Variants in SBF2 observed in about 807,000 individuals in gnomAD.
The protein encoded by SBF2 is myotubularin-related protein 13.
SBF2 carries 112 observed loss-of-function variants against 225.2 expected under a neutral mutation model. The ratio of observed to expected loss-of-function variants is 0.50; its 90% confidence interval spans 0.43 to 0.58. SBF2 has a LOEUF of 0.58. Among genes scored for constraint, SBF2 ranks in the 20% least tolerant of loss-of-function variants. The pLI, the probability that SBF2 is intolerant of heterozygous loss-of-function variation, is 0.00. For missense variants in SBF2, 1,996 were observed against 2,206.2 expected (o/e 0.90, Z 1.91); for synonymous variants, 763 against 773.3 (o/e 0.99, Z 0.22).
intron 16 of SBF2, among the ~76,000 whole-genome samples, chr11:9,945,961 G>A (rs1160878796): frequency 1.3e-5 from 2 of 152,040 alleles, no homozygotes; most frequent in Non-Finnish European, 2.9e-5. Flanking sequence ...GTGGAGAAAA[G>A]GGAATGCTTA....
intron 16 of SBF2, among the ~76,000 whole-genome samples, chr11:9,932,984 A>T (rs1279192204): frequency 6.6e-6 from 1 of 150,850 alleles, no homozygotes; most frequent in African/African-American, 2.4e-5. Context: ...AAAAAAAAAA[A>T]AAACAGGTGT....
At chr11:10,112,609 C>A (rs1406604955) in intron 2 of SBF2, among the ~76,000 whole-genome samples, 1 of 152,176 alleles carries the variant, frequency 6.6e-6, no homozygotes, top group Non-Finnish European at 1.5e-5. Context: ...GACAATGCAA[C>A]CTTTAATAAG....
chr11:10,026,394 GT>G (rs1474217016), intron 6 of SBF2, among the ~76,000 whole-genome samples: 1 of 152,100 alleles, frequency 6.6e-6, no homozygotes, highest in Admixed American at 6.5e-5. Context: ...TCAATGGTTA[GT>G]AGGGACCACA....
At position 9,968,258 on chromosome 11, in the gene SBF2, T is replaced by A. The variant is rs112764038; in HGVS notation, c.1600+83A>T. ...CAGGAGTTTGTTCACTTTGTGAAAA[T>A]TCATCAAATTGCACACTTTTCCTTT... On this transcript the variant is annotated intron_variant, in intron 14 of 39. Coordinates refer to ENST00000256190, the MANE Select transcript of SBF2 (RefSeq NM_030962.4). The A allele has an allele frequency of 1.4e-4, 169 of 1,247,636 alleles. 1 individual carries two copies. The African/African-American group carries it at 2.1e-3, about 16-fold the overall frequency. 77.3% of individuals were successfully genotyped at this position (1,247,636 alleles called of 1,614,324 possible).
rs546910626 is a variant in SBF2, at chr11:9,890,750, A to T, written c.1929+5193T>A. ...GGACGGCTTTGCCATATTTTGACAG[A>T]TTCCAGGAAACCCTTTGGAATACCC... On this transcript the variant is annotated intron_variant, in intron 17 of 39. Transcript: ENST00000256190. Among the ~76,000 whole-genome samples, 3 of 152,288 alleles carry T rather than the reference A, an allele frequency of 2.0e-5. No homozygotes were observed. The East Asian group carries it at 5.8e-4, about 29-fold the overall frequency.
intron 6 of SBF2, among the ~76,000 whole-genome samples, chr11:10,022,766 A>G (rs1044308491): frequency 6.6e-6 from 1 of 152,198 alleles, no homozygotes; most frequent in Non-Finnish European, 1.5e-5. Context: ...TGTCTTTTAA[A>G]TCTCTTTCAA....
chr11:10,148,808 T>A (rs1388603376), intron 2 of SBF2, among the ~76,000 whole-genome samples: 2 of 152,198 alleles, frequency 1.3e-5, no homozygotes, highest in African/African-American at 4.8e-5. Flanking sequence ...GAAATCCCAC[T>A]GGATGTATGA....
chr11:10,033,425 T>C (rs1269808008), intron 3 of SBF2, among the ~76,000 whole-genome samples: 2 of 152,112 alleles, frequency 1.3e-5, no homozygotes, highest in Non-Finnish European at 2.9e-5. Flanking sequence ...CCAAAAGGAA[T>C]AGTTATTAAC....
chr11:10,017,473 A>G (rs1948698785), intron 6 of SBF2, among the ~76,000 whole-genome samples: 1 of 152,152 alleles, frequency 6.6e-6, no homozygotes, highest in Admixed American at 6.5e-5. Flanking sequence ...TGTGTACTAT[A>G]CTCCAGACAC....
intron 6 of SBF2, among the ~76,000 whole-genome samples, chr11:10,027,937 T>C (rs1486176362): frequency 1.3e-5 from 2 of 152,200 alleles, no homozygotes; most frequent in African/African-American, 4.8e-5. Flanking sequence ...AAAGAAAATA[T>C]GTCCACTTTC....
At chr11:9,970,140 A>G (rs1867231322) in intron 13 of SBF2, among the ~76,000 whole-genome samples, 1 of 152,122 alleles carries the variant, frequency 6.6e-6, no homozygotes, top group Non-Finnish European at 1.5e-5. Context: ...GCGACCAGAA[A>G]ATTCCTTATT....
intron 1 of SBF2, among the ~76,000 whole-genome samples, chr11:10,239,645 A>G (rs886330936): frequency 2.0e-5 from 3 of 150,592 alleles, no homozygotes; most frequent in African/African-American, 7.3e-5. Flanking sequence ...TACTAATTAC[A>G]TTTTGAAAAA....
At chr11:10,176,492 A>C (rs1259669437) in intron 2 of SBF2, among the ~76,000 whole-genome samples, 2 of 151,858 alleles carry the variant, frequency 1.3e-5, no homozygotes, top group Non-Finnish European at 2.9e-5. Flanking sequence ...GATGCAATAA[A>C]AAATGATAAA....
chr11:10,004,647 C>T (rs1275109419), intron 6 of SBF2, among the ~76,000 whole-genome samples: 1 of 149,248 alleles, frequency 6.7e-6, no homozygotes, highest in Non-Finnish European at 1.5e-5. Context: ...AAGGAAATTC[C>T]TTGTGGACAA....
intron 6 of SBF2, among the ~76,000 whole-genome samples, chr11:10,004,582 A>AAAAAC (rs1249995724): frequency 1.1e-3 from 168 of 148,492 alleles, no homozygotes; most frequent in Non-Finnish European, 2.1e-3. Context: ...ATTAAAAAAA[A>AAAAAC]AAAAAAAAAA....
Position 9,790,606 on chromosome 11 carries a change from T to G in SBF2, c.4648A>C (p.Lys1550Gln). 1 of 1,588,872 alleles carries G rather than the reference T, an allele frequency of 6.3e-7. No homozygotes were observed. The highest frequency in any genetic ancestry group is 8.6e-7 in the Non-Finnish European group (1 of 1,157,902). Reference sequence around the variant, plus strand: ...TAATTAAAGAAAATGGGACTCCTCTTGTGCATTCTGTCAATACATTCCCAA... The same window carrying G: ...TAATTAAAGAAAATGGGACTCCTCTGGTGCATTCTGTCAATACATTCCCAA... ...CIWECIDRMH[K>Q]RSPIFFNYLY... The change falls in exon 34 of 40, where the codon AAG becomes CAG. Residue 1550 changes from lysine to glutamine, a missense_variant. By Grantham distance (53) the Lys-to-Gln change is moderately conservative (BLOSUM62 1). Transcript: ENST00000256190.
intron 2 of SBF2, among the ~76,000 whole-genome samples, chr11:10,158,522 A>G (rs1955578907): frequency 6.6e-6 from 1 of 152,226 alleles, no homozygotes; most frequent in Non-Finnish European, 1.5e-5. Flanking sequence ...AAATAGAATC[A>G]TAAGAGATTA....
At chr11:9,810,015 G>A (rs1464895124) in intron 30 of SBF2, among the ~76,000 whole-genome samples, 1 of 152,114 alleles carries the variant, frequency 6.6e-6, no homozygotes, top group Non-Finnish European at 1.5e-5. Context: ...GTGGCTCAAC[G>A]CCTGTAATCC....
intron 2 of SBF2, among the ~76,000 whole-genome samples, chr11:10,159,123 C>T (rs990065934): frequency 1.3e-5 from 2 of 152,178 alleles, no homozygotes; most frequent in African/African-American, 2.4e-5. Context: ...AAAATTATGA[C>T]TGAGACAGTG....
Sources: gnomAD v4.1 joint callset for allele counts (sites outside exome capture counted in the v4.1 genomes callset) on GRCh38, gnomAD v4.1.1 for gene constraint, MANE v1.5 for transcripts, NCBI Gene and HGNC (gene_info 2026-07-23, HGNC 2026-07-21) for gene names.